Variants in DPYD observed in about 807,000 individuals in gnomAD.
DPYD encodes dihydropyrimidine dehydrogenase.
In DPYD, 109 loss-of-function variants were observed where a neutral mutation model predicts 116.2. That is an observed-to-expected ratio of 0.94 (90% CI 0.80 to 1.10). The LOEUF is 1.10. DPYD is among the 50% of genes least tolerant of loss of function. The probability of loss-of-function intolerance (pLI) is 0.00; values close to 1 mark genes in which losing one functional copy is unlikely to be tolerated. For synonymous variants in DPYD, 440 were observed against 432.0 expected (o/e 1.02, Z -0.23); for missense variants, 1,302 against 1,254.5 (o/e 1.04, Z -0.57).
chr1:97,469,397 CAAAAAAAAAAAAAA>C (rs59090402), intron 13 of DPYD, among the ~76,000 whole-genome samples: 11 of 80,802 alleles, frequency 1.4e-4, no homozygotes, highest in East Asian at 4.5e-4. Context: ...GCTAAAATTG[CAAAAAAAAAAAAAA>C]AAAAAAAAAA....
intron 16 of DPYD, among the ~76,000 whole-genome samples, chr1:97,361,203 G>C (rs923084981): frequency 5.3e-5 from 8 of 152,140 alleles, no homozygotes; most frequent in African/African-American, 1.9e-4. Flanking sequence ...AGAAAATCTA[G>C]AAGAAATGGA....
At chr1:97,368,831 AGAG>A (rs1671171782) in intron 16 of DPYD, among the ~76,000 whole-genome samples, 1 of 152,260 alleles carries the variant, frequency 6.6e-6, no homozygotes, top group South Asian at 2.1e-4. Context: ...AAACAGTGTC[AGAG>A]GAGCCTAGTT....
chr1:97,645,371 C>A (rs556837709), intron 8 of DPYD, among the ~76,000 whole-genome samples: 1 of 152,200 alleles, frequency 6.6e-6, no homozygotes, highest in Admixed American at 6.5e-5. Context: ...AGTTGAGCAT[C>A]TCTTCAAAAG....
chr1:97,408,075 A>G (rs4381229), intron 14 of DPYD, among the ~76,000 whole-genome samples: 37,755 of 152,024 alleles, frequency 0.25, 4,821 homozygotes, highest in South Asian at 0.4. Flanking sequence ...ATCTCTTACT[A>G]TTACCATGCC....
chr1:97,373,070 T>A (rs1345941008), intron 16 of DPYD, among the ~76,000 whole-genome samples: 1 of 152,178 alleles, frequency 6.6e-6, no homozygotes, highest in Non-Finnish European at 1.5e-5. Flanking sequence ...ATTTATTGTA[T>A]CCAAAAATAA....
intron 5 of DPYD, among the ~76,000 whole-genome samples, chr1:97,712,644 T>G (rs557606016): frequency 2.6e-5 from 4 of 152,210 alleles, no homozygotes; most frequent in Non-Finnish European, 5.9e-5. Flanking sequence ...CCCTATGGCT[T>G]TGTATCAGGT....
intron 2 of DPYD, among the ~76,000 whole-genome samples, chr1:97,847,160 C>A (rs541682917): frequency 3.9e-5 from 6 of 152,084 alleles, no homozygotes; most frequent in Non-Finnish European, 8.8e-5. Flanking sequence ...TTATATTTTT[C>A]CTCAAAATAA....
At chr1:97,557,308 C>CTTTTTTTTTTTTTTTTT (rs796245332) in intron 11 of DPYD, among the ~76,000 whole-genome samples, 1 of 107,158 alleles carries the variant, frequency 9.3e-6, no homozygotes, top group Non-Finnish European at 1.9e-5. Flanking sequence ...TTTTTCTTTT[C>CTTTTTTTTTTTTTTTTT]TTTTTTTTTT....
At chr1:97,638,457 C>T (rs1192382254) in intron 8 of DPYD, among the ~76,000 whole-genome samples, 1 of 152,112 alleles carries the variant, frequency 6.6e-6, no homozygotes, top group Admixed American at 6.5e-5. Flanking sequence ...AGCTTACCAA[C>T]TCTTTATTAT....
chr1:97,700,974 AGAGGGTAG>A (rs1661567399), intron 5 of DPYD, among the ~76,000 whole-genome samples: 1 of 151,266 alleles, frequency 6.6e-6, no homozygotes, highest in Non-Finnish European at 1.5e-5. Flanking sequence ...AATAGGTGGT[AGAGGGTAG>A]GAAACAAAGA....
intron 18 of DPYD, among the ~76,000 whole-genome samples, chr1:97,245,519 T>C (rs1384065739): frequency 6.6e-6 from 1 of 152,134 alleles, no homozygotes; most frequent in Non-Finnish European, 1.5e-5. Flanking sequence ...ATATTTCTCA[T>C]GTGATTTTGC....
intron 19 of DPYD, among the ~76,000 whole-genome samples, chr1:97,206,597 A>G (rs2101858392): frequency 7.1e-6 from 1 of 140,240 alleles, no homozygotes; most frequent in Middle Eastern, 3.8e-3. Context: ...TCTGACCACT[A>G]CTACGAAGGC....
At chr1:97,679,874 G>A (rs771164472) in intron 7 of DPYD, among the ~76,000 whole-genome samples, 15 of 152,122 alleles carry the variant, frequency 9.9e-5, no homozygotes, top group Non-Finnish European at 1.8e-4. Context: ...ATCCCTACAA[G>A]TAAGTACTGT....
At chr1:97,130,915 C>T (rs1350643735) in intron 20 of DPYD, among the ~76,000 whole-genome samples, 3 of 141,582 alleles carry the variant, frequency 2.1e-5, no homozygotes, top group Non-Finnish European at 4.6e-5. Context: ...CACTCCCTCC[C>T]TCCCTCTTTC....
At chr1:97,830,721 A>AG (rs1553248198) in intron 2 of DPYD, among the ~76,000 whole-genome samples, 25 of 151,818 alleles carry the variant, frequency 1.6e-4, no homozygotes, top group East Asian at 1.2e-3. Context: ...AAAAAAAAAA[A>AG]AGAGAGAGAG....
intron 22 of DPYD, among the ~76,000 whole-genome samples, chr1:97,081,699 T>A (rs1649157950): frequency 7.2e-6 from 1 of 139,434 alleles, no homozygotes. Context: ...TCTTTTTCTT[T>A]TTCTTTTCTT....
rs189765357 is a variant in DPYD, at chr1:97,485,486, G to A, written c.1740+30240C>T. On this transcript the variant is annotated intron_variant, in intron 13 of 22. Coordinates refer to ENST00000370192, the MANE Select transcript of DPYD (RefSeq NM_000110.4). The stretch of plus-strand genomic sequence containing the variant: ...CAAAGTGCTGGGATTACAGGTGTGA[G>A]CCACTGTGCCCAGCCTGACATACTC... Among the ~76,000 whole-genome samples the A allele has an allele frequency of 2.0e-3, 304 of 152,280 alleles. 3 individuals are homozygous for A. Among genetic ancestry groups the A allele is most frequent in the African/African-American group, 6.8e-3 (284 of 41,566 alleles).
chr1:97,546,588 T>G (rs1427832928), intron 12 of DPYD: 2 of 1,607,612 alleles, frequency 1.2e-6, no homozygotes, highest in African/African-American at 2.7e-5. Context: ...AAATAACACA[T>G]CCTGTGTATA....
At chr1:97,672,567 T>G (rs2100899944) in intron 8 of DPYD, among the ~76,000 whole-genome samples, 1 of 152,340 alleles carries the variant, frequency 6.6e-6, no homozygotes, top group South Asian at 2.1e-4. Context: ...TTAAGTCAGG[T>G]TTATTTTTTA....
Sources: gnomAD v4.1 joint callset for allele counts (sites outside exome capture counted in the v4.1 genomes callset) on GRCh38, gnomAD v4.1.1 for gene constraint, MANE v1.5 for transcripts, NCBI Gene and HGNC (gene_info 2026-07-23, HGNC 2026-07-21) for gene names.